GRM7: variants seen among roughly 807,000 people sequenced by gnomAD.
The protein encoded by GRM7 is metabotropic glutamate receptor 7.
In GRM7, 35 loss-of-function variants were observed where a neutral mutation model predicts 84.5. The ratio of observed to expected loss-of-function variants is 0.41; its 90% CI spans 0.32 to 0.55. GRM7 has a LOEUF of 0.55. Ranked by LOEUF, GRM7 falls within the 20% of genes least tolerant of loss-of-function variation. The pLI is 0.19. For missense variants in GRM7, 1,003 were observed against 1,194.6 expected (o/e 0.84, Z 2.36); for synonymous variants, 487 against 455.1 (o/e 1.07, Z -0.89).
At chr3:7,122,248 C>G (rs1693251909) in intron 1 of GRM7, among the ~76,000 whole-genome samples, 1 of 152,134 alleles carries the variant, frequency 6.6e-6, no homozygotes, top group South Asian at 2.1e-4. Flanking sequence ...TTGCAGACAT[C>G]TTGGCAGGCA....
chr3:7,001,998 C>G (rs1336490245), intron 1 of GRM7, among the ~76,000 whole-genome samples: 2 of 152,082 alleles, frequency 1.3e-5, no homozygotes, highest in Non-Finnish European at 2.9e-5. Context: ...TAATTATATG[C>G]TTTTGATTAA....
chr3:7,374,644 ATTTTTTTT>A (rs569869343), intron 4 of GRM7, among the ~76,000 whole-genome samples: 2 of 131,028 alleles, frequency 1.5e-5, no homozygotes, highest in Non-Finnish European at 3.3e-5. Flanking sequence ...ATACCTGGCC[ATTTTTTTT>A]TTTTTTTTTT....
At chr3:7,726,452 A>G (rs1702129292) in intron 9 of GRM7, among the ~76,000 whole-genome samples, 1 of 151,552 alleles carries the variant, frequency 6.6e-6, no homozygotes, top group South Asian at 2.1e-4. Context: ...TGTAAAAAAC[A>G]TTTAATTCAA....
chr3:7,529,718 C>G (rs1168203047), intron 7 of GRM7, among the ~76,000 whole-genome samples: 1 of 151,926 alleles, frequency 6.6e-6, no homozygotes, highest in Non-Finnish European at 1.5e-5. Context: ...TTTATTGTTT[C>G]TACTCTCCAT....
intron 1 of GRM7, among the ~76,000 whole-genome samples, chr3:6,903,611 T>C (rs1696470921): frequency 1.3e-5 from 2 of 152,116 alleles, no homozygotes; most frequent in African/African-American, 4.8e-5. Context: ...ATCAACTCTT[T>C]TTACATGTCC....
At chr3:7,330,473 C>A (rs1417908073) in intron 4 of GRM7, among the ~76,000 whole-genome samples, 1 of 152,132 alleles carries the variant, frequency 6.6e-6, no homozygotes, top group African/African-American at 2.4e-5. Flanking sequence ...GGCTCTGTTC[C>A]CACCCAAATC....
intron 2 of GRM7, among the ~76,000 whole-genome samples, chr3:7,211,852 C>T (rs1696440647): frequency 6.6e-6 from 1 of 152,062 alleles, no homozygotes; most frequent in Non-Finnish European, 1.5e-5. Flanking sequence ...CTGACAGTAC[C>T]AATCTCAGCC....
chr3:7,586,384 GT>G (rs35854066), intron 8 of GRM7, among the ~76,000 whole-genome samples: 14,609 of 146,700 alleles, frequency 0.1, 845 homozygotes, highest in African/African-American at 0.17. Flanking sequence ...TACATGAGGG[GT>G]TTTTTTTTTT....
chr3:7,103,752 T>TTCTTTCTTTC (rs1559443257), intron 1 of GRM7, among the ~76,000 whole-genome samples: 5 of 19,442 alleles, frequency 2.6e-4, no homozygotes, highest in East Asian at 2.6e-3. Context: ...CTCTCTCCCT[T>TTCTTTCTTTC]TCTTTCTTTC....
intron 2 of GRM7, among the ~76,000 whole-genome samples, chr3:7,238,768 C>G (rs538667492): frequency 6.8e-6 from 1 of 147,280 alleles, no homozygotes; most frequent in African/African-American, 2.6e-5. Flanking sequence ...CCTTTCCTTT[C>G]CTTCTTTTCT....
intron 1 of GRM7, among the ~76,000 whole-genome samples, chr3:7,099,309 T>C (rs908126714): frequency 8.8e-5 from 13 of 148,130 alleles, no homozygotes; most frequent in South Asian, 2.1e-4. Context: ...TGTACACATG[T>C]ATTATACATG....
At chr3:7,470,516 A>T (rs1698656096) in intron 7 of GRM7, among the ~76,000 whole-genome samples, 1 of 152,146 alleles carries the variant, frequency 6.6e-6, no homozygotes, top group African/African-American at 2.4e-5. Context: ...TCTTTCTATG[A>T]ATGTCTGCAA....
At chr3:7,701,169 T>C (rs73809661) in intron 9 of GRM7, among the ~76,000 whole-genome samples, 2,687 of 152,306 alleles carry the variant, frequency 0.018, 88 homozygotes, top group African/African-American at 0.062. Flanking sequence ...GGCATAACGA[T>C]ACAGGGGACC....
intron 1 of GRM7, among the ~76,000 whole-genome samples, chr3:6,904,191 T>G (rs1034291284): frequency 6.6e-6 from 1 of 152,202 alleles, no homozygotes; most frequent in African/African-American, 2.4e-5. Context: ...ATTTTATTCC[T>G]TACTCTGAAA....
intron 2 of GRM7, among the ~76,000 whole-genome samples, chr3:7,174,369 G>T (rs995376825): frequency 1.1e-4 from 16 of 152,204 alleles, no homozygotes; most frequent in Non-Finnish European, 2.9e-5. Context: ...TGACATCATA[G>T]TGATTTAGAA....
At chr3:7,403,566 G>A (rs533358806) in intron 4 of GRM7, among the ~76,000 whole-genome samples, 12 of 146,712 alleles carry the variant, frequency 8.2e-5, no homozygotes, top group African/African-American at 1.7e-4. Context: ...GCAAATGTAC[G>A]TCCGTTATTT....
At chr3:6,917,577 A>G (rs1369384540) in intron 1 of GRM7, among the ~76,000 whole-genome samples, 1 of 149,676 alleles carries the variant, frequency 6.7e-6, no homozygotes, top group East Asian at 2.0e-4. Flanking sequence ...GTTCCCTGGG[A>G]ATGCAGAGGC....
At chr3:6,872,082 T>G (rs1695140214) in intron 1 of GRM7, among the ~76,000 whole-genome samples, 1 of 151,932 alleles carries the variant, frequency 6.6e-6, no homozygotes, top group Non-Finnish European at 1.5e-5. Context: ...GAAAGAGACA[T>G]GGAAAGGAAA....
At chr3:7,036,922 C>T (rs766481366) in intron 1 of GRM7, among the ~76,000 whole-genome samples, 1 of 152,094 alleles carries the variant, frequency 6.6e-6, no homozygotes, top group Admixed American at 6.6e-5. Context: ...AGTCTGGCCA[C>T]CCTGTCCCAG....
Sources: gnomAD v4.1 joint callset for allele counts (sites outside exome capture counted in the v4.1 genomes callset) on GRCh38, gnomAD v4.1.1 for gene constraint, MANE v1.5 for transcripts, NCBI Gene and HGNC (gene_info 2026-07-23, HGNC 2026-07-21) for gene names.